Variants in MPPED2 observed in about 807,000 individuals in gnomAD.
MPPED2 encodes metallophosphoesterase MPPED2.
A neutral mutation model predicts 33.0 loss-of-function variants in MPPED2; 5 were observed. The ratio of observed to expected loss-of-function variants is 0.15; its 90% CI spans 0.08 to 0.32. MPPED2 has a LOEUF of 0.32. Among genes scored for constraint, MPPED2 ranks in the 10% least tolerant of loss-of-function variants. The pLI is 1.00. For synonymous variants in MPPED2, 136 were observed against 141.9 expected (o/e 0.96, Z 0.29); for missense variants, 275 against 372.1 (o/e 0.74, Z 2.15).
In MPPED2 at chr11:30,583,134, C is replaced by CTTTTTTTCTTTTT. The variant is rs1554919022; in HGVS notation, c.-121-2641_-121-2640insAAAAAGAAAAAAA. Among the ~76,000 whole-genome samples, 140 of 96,648 alleles carry CTTTTTTTCTTTTT rather than the reference C, an allele frequency of 1.4e-3. 16 individuals carry two copies. The highest frequency in any genetic ancestry group is 5.0e-3 in the African/African-American group (103 of 20,674). 63.4% of individuals were successfully genotyped at this position (96,648 alleles called of 152,430 possible). A position where few individuals can be genotyped will look rare whatever the true frequency, so the allele number is the denominator to read the frequency against. On this transcript the variant is annotated intron_variant, in intron 1 of 6. Transcript: ENST00000358117. ...CACAAACACCTGGAAAAGACTTTTT[C>CTTTTTTTCTTTTT]TTTTTTTTTTTTTTTTTTTTTTTTT...
At chr11:30,512,078 C>G (rs1953234944) in intron 3 of MPPED2, among the ~76,000 whole-genome samples, 1 of 152,086 alleles carries the variant, frequency 6.6e-6, no homozygotes, top group Non-Finnish European at 1.5e-5. Flanking sequence ...TGAGATGCGC[C>G]ACAACACAAT....
intron 4 of MPPED2, among the ~76,000 whole-genome samples, chr11:30,419,440 G>C (rs1354220430): frequency 6.6e-6 from 1 of 152,126 alleles, no homozygotes; most frequent in Non-Finnish European, 1.5e-5. Context: ...AGCCTAGTGA[G>C]CTCTGAACTG....
chr11:30,464,160 T>A (rs1040147383), intron 4 of MPPED2, among the ~76,000 whole-genome samples: 1 of 152,134 alleles, frequency 6.6e-6, no homozygotes, highest in African/African-American at 2.4e-5. Context: ...GTTGATCTTT[T>A]ATCAGAGGCA....
intron 4 of MPPED2, chr11:30,441,330 T>C (rs551305762): frequency 6.6e-6 from 1 of 152,218 alleles, no homozygotes; most frequent in African/African-American, 2.4e-5. Context: ...AAGGTTTAAG[T>C]AGCAGTTTAT....
At chr11:30,580,841 C>T (rs981634589) in intron 1 of MPPED2, among the ~76,000 whole-genome samples, 1 of 152,214 alleles carries the variant, frequency 6.6e-6, no homozygotes, top group Non-Finnish European at 1.5e-5. Flanking sequence ...GAAGAATCTT[C>T]CAAACCTGCC....
At chr11:30,522,383 AACATACACACACACAC>A (rs1414091574) in intron 3 of MPPED2, among the ~76,000 whole-genome samples, 1 of 87,500 alleles carries the variant, frequency 1.1e-5, no homozygotes. Flanking sequence ...GCTTCAGGAA[AACATACACACACACAC>A]ACACACACAC....
At chr11:30,583,341 C>T (rs1004589491) in intron 1 of MPPED2, among the ~76,000 whole-genome samples, 10 of 151,954 alleles carry the variant, frequency 6.6e-5, no homozygotes, top group African/African-American at 2.4e-4. Context: ...ACCCTCTTCA[C>T]ACTTACTTTA....
chr11:30,392,778 C>T (rs567164838), intron 6 of MPPED2, among the ~76,000 whole-genome samples: 25 of 152,244 alleles, frequency 1.6e-4, no homozygotes, highest in African/African-American at 6.0e-4. Context: ...TTAAGGTTTG[C>T]TCACCTCCAA....
At chr11:30,401,278 C>G (rs2133708598) in intron 6 of MPPED2, among the ~76,000 whole-genome samples, 1 of 152,282 alleles carries the variant, frequency 6.6e-6, no homozygotes, top group African/African-American at 2.4e-5. Context: ...TGCCCTGGTG[C>G]TGTGGTTAAG....
At chr11:30,459,046 C>T (rs1950410487) in intron 4 of MPPED2, among the ~76,000 whole-genome samples, 1 of 149,328 alleles carries the variant, frequency 6.7e-6, no homozygotes, top group Non-Finnish European at 1.5e-5. Flanking sequence ...CTGCCTCAGC[C>T]TCCCAAGTAG....
chr11:30,409,977 A>G (rs1430338668), downstream of MPPED2: 1 of 508,174 alleles, frequency 2.0e-6, no homozygotes, highest in Non-Finnish European at 2.5e-6. Context: ...AAATTACAAC[A>G]GCCAAAGATG....
intron 4 of MPPED2, among the ~76,000 whole-genome samples, chr11:30,426,942 T>C (rs1948865635): frequency 2.0e-5 from 3 of 151,928 alleles, no homozygotes; most frequent in Non-Finnish European, 4.4e-5. Context: ...AAAACCCACA[T>C]CCTACCAGAG....
chr11:30,519,631 G>C (rs1590687542), intron 3 of MPPED2, among the ~76,000 whole-genome samples: 1 of 151,962 alleles, frequency 6.6e-6, no homozygotes, highest in East Asian at 1.9e-4. Context: ...CCTAAATCCA[G>C]GATTTCTATG....
intron 4 of MPPED2, among the ~76,000 whole-genome samples, chr11:30,432,954 A>G (rs1468293923): frequency 6.6e-6 from 1 of 152,220 alleles, no homozygotes; most frequent in East Asian, 1.9e-4. Flanking sequence ...TGAACGTGGA[A>G]AAAAGCCTCT....
At chr11:30,523,942 T>C (rs1186360043) in intron 3 of MPPED2, among the ~76,000 whole-genome samples, 1 of 152,092 alleles carries the variant, frequency 6.6e-6, no homozygotes, top group Non-Finnish European at 1.5e-5. Flanking sequence ...ACCGGAAAGT[T>C]GCTGTGGTCA....
intron 4 of MPPED2, among the ~76,000 whole-genome samples, chr11:30,493,665 T>TAA (rs397848205): frequency 2.9e-4 from 28 of 98,000 alleles, no homozygotes; most frequent in Admixed American, 2.0e-3. Flanking sequence ...ATTTTAAAGA[T>TAA]AAAAAAAAAA....
chr11:30,551,590 C>T (rs1402670282), intron 2 of MPPED2, among the ~76,000 whole-genome samples: 2 of 152,186 alleles, frequency 1.3e-5, no homozygotes, highest in Admixed American at 1.3e-4. Flanking sequence ...CTGAAAAGTG[C>T]TGTCTTTTGT....
intron 6 of MPPED2, among the ~76,000 whole-genome samples, chr11:30,398,526 A>C (rs1203095933): frequency 6.6e-6 from 1 of 152,178 alleles, no homozygotes; most frequent in Admixed American, 6.5e-5. Flanking sequence ...AATCAGATAG[A>C]AGGTCCATGA....
rs1313702953 is a variant in MPPED2, at chr11:30,518,005, A to G, written c.310+17989T>C. Among the ~76,000 whole-genome samples the G allele has an allele frequency of 4.1e-5, 6 of 147,936 alleles. No homozygotes were observed. The South Asian group carries it at 8.8e-4, about 22-fold the overall frequency. On this transcript the variant is annotated intron_variant, in intron 3 of 6. Transcript: ENST00000358117. ...TTGTGAACAACAAATTCACACTATT[A>G]CTGAACTATATCCATGACATTTTTA...
Sources: gnomAD v4.1 joint callset for allele counts (sites outside exome capture counted in the v4.1 genomes callset) on GRCh38, gnomAD v4.1.1 for gene constraint, MANE v1.5 for transcripts, NCBI Gene and HGNC (gene_info 2026-07-23, HGNC 2026-07-21) for gene names.